EFCAB12: variants seen among roughly 807,000 people sequenced by gnomAD.
EFCAB12 encodes the protein EF-hand calcium-binding domain-containing protein 12.
Under a neutral mutation model 53.6 loss-of-function variants are expected in EFCAB12, and 43 were observed. The ratio of observed to expected loss-of-function variants is 0.80; its 90% CI spans 0.63 to 1.03. EFCAB12 has a LOEUF of 1.03. Ranked by LOEUF, EFCAB12 falls within the 50% of genes least tolerant of loss-of-function variation. The pLI is 0.00. For synonymous variants in EFCAB12, 269 were observed against 289.2 expected (o/e 0.93, Z 0.71); for missense variants, 646 against 730.6 (o/e 0.88, Z 1.34).
rs369188525 is a variant in EFCAB12, at chr3:129,401,632, G to A, written c.1680C>T (p.His560=). The stretch of plus-strand genomic sequence containing the variant: ...ACACCTTGGCGGCATCATAATGGGC[G>A]TGGGTCATGTAGTTCTTGTTCCTAA... ...WPLRNKNYMT[H]AHYDAAKVYY... Residue 560 remains histidine, a synonymous_variant, in exon 9 of 9, where the codon CAC becomes CAT. Transcript: ENST00000505956. The A allele has an allele frequency of 6.1e-4, 963 of 1,576,098 alleles. No homozygotes were observed. The highest frequency in any genetic ancestry group is 1.5e-3 in the African/African-American group (113 of 74,326).
intron 3 of EFCAB12, among the ~76,000 whole-genome samples, chr3:129,416,943 C>T (rs2072123091): frequency 6.6e-6 from 1 of 152,172 alleles, no homozygotes; most frequent in African/African-American, 2.4e-5. Context: ...CATGAGCCAG[C>T]ATGCTAGGGT....
intron 1 of EFCAB12, among the ~76,000 whole-genome samples, chr3:129,427,066 C>T (rs2072281989): frequency 6.6e-6 from 1 of 151,830 alleles, no homozygotes. Context: ...CCAGGATGGT[C>T]TTGATCTCCT....
In EFCAB12 at chr3:129,415,313, A is replaced by G. The variant is rs759460628; in HGVS notation, c.770T>C (p.Ile257Thr). ...LGKHNTITMD[I>T]LANTYKQWSM... is the part of the protein sequence containing the mutation. ...CCACTGCTTGTAGGTATTGGCCAGG[A>G]TATCCATGGTGATGGTGTTGTGCTT... Residue 257 changes from isoleucine (I) to threonine (T), a missense_variant, in exon 4 of 9, where the codon ATC becomes ACC. By Grantham distance (89) the Ile-to-Thr change is moderately conservative. Coordinates refer to ENST00000505956, the MANE Select transcript of EFCAB12 (RefSeq NM_207307.3). The G allele has an allele frequency of 1.9e-5, 30 of 1,613,378 alleles. 1 individual carries two copies. The South Asian group carries it at 3.3e-4, about 18-fold the overall frequency.
chr3:129,423,634 T>G (rs9872391), intron 1 of EFCAB12, among the ~76,000 whole-genome samples: 2 of 151,812 alleles, frequency 1.3e-5, no homozygotes, highest in Non-Finnish European at 2.9e-5. Flanking sequence ...CAAAAAAATT[T>G]AAAAAAATCA....
rs1004813143 is a variant in EFCAB12 at position 129,401,430 on chromosome 3, C to T, written c.*163G>A. 1.0e-6 allele frequency: 1 copy of T among 986,360 alleles called. No homozygotes were observed. Among genetic ancestry groups the T allele is most frequent in the Non-Finnish European group, 1.4e-6 (1 of 693,394 alleles). 61.1% of individuals were successfully genotyped at this position (986,360 alleles called of 1,614,324 possible). ...TTGGACACATCTACCCTCTGAGACA[C>T]TGGACACTTTGAGTCCAGAGGGAAC... On this transcript the variant is annotated 3_prime_UTR_variant, in exon 9 of 9. Transcript: ENST00000505956.
At chr3:129,408,899 G>C in intron 5 of EFCAB12, 41 bp from the exon 6 acceptor site, 1 of 1,543,294 alleles carries the variant, frequency 6.5e-7, no homozygotes, top group Non-Finnish European at 8.8e-7. Flanking sequence ...TCTCTCGCCT[G>C]TGTCCCTCCT....
At chr3:129,404,446 T>C in intron 6 of EFCAB12, 43 bp from the exon 7 acceptor site, 1 of 1,543,482 alleles carries the variant, frequency 6.5e-7, no homozygotes, top group Non-Finnish European at 8.7e-7. Flanking sequence ...CAACCCAGAC[T>C]GCCCATCCCT....
intron 2 of EFCAB12, 28 bp from the exon 3 acceptor site, chr3:129,418,476 G>A (rs761002726): frequency 7.0e-6 from 11 of 1,568,036 alleles, no homozygotes; most frequent in Non-Finnish European, 6.9e-6. Flanking sequence ...GTAGGGCAGA[G>A]GAGAGAGTTC....
intron 2 of EFCAB12, 111 bp from the exon 3 acceptor site, chr3:129,418,559 A>G: frequency 1.0e-6 from 1 of 993,272 alleles, no homozygotes; most frequent in Non-Finnish European, 1.4e-6. Context: ...TCTAAATAGC[A>G]GGATAGAGTA....
chr3:129,418,504 C>T (rs144408492), intron 2 of EFCAB12, 56 bp from the exon 3 acceptor site: 36,663 of 1,475,614 alleles, frequency 0.025, 664 homozygotes, highest in Middle Eastern at 0.071. Context: ...ACAGGCCAGG[C>T]GGATGCAGTC....
Position 129,421,394 on chromosome 3 carries a change from G to C in EFCAB12, c.459C>G (p.Ala153=), listed in dbSNP as rs2072184990. ...IHEEQSAQPN[A]SQATTRTTRK... is the part of the protein sequence containing the mutation. ...TGGTGGTCCTGGTAGTTGCCTGGGA[G>C]GCATTTGGCTGGGCACTCTGCTCCT... Residue 153 remains alanine, a synonymous_variant, in exon 2 of 9, where the codon GCC becomes GCG. Transcript: ENST00000505956. 5 of 1,608,814 alleles carry C rather than the reference G, an allele frequency of 3.1e-6. No homozygotes were observed. Among genetic ancestry groups the C allele is most frequent in the Non-Finnish European group, 4.3e-6 (5 of 1,175,714 alleles).
In EFCAB12 at chr3:129,411,413, A is replaced by T. The variant is rs373192422; in HGVS notation, c.839-59T>A. On this transcript the variant is annotated intron_variant, in intron 4 of 8. Coordinates refer to ENST00000505956, the MANE Select transcript of EFCAB12 (RefSeq NM_207307.3). ...GACTAAGAGGGTGCCCAGCCACGGA[A>T]CCTGCCAAGCAGTTATCCAGTGTCA... is the stretch of plus-strand genomic sequence containing the variant. 1.9e-5 allele frequency: 29 copies of T among 1,501,912 alleles called. 1 individual carries two copies. In the South Asian group the frequency reaches 3.4e-4, roughly 18 times the overall value. The allele number at this position is 1,501,912 out of a possible 1,614,324, so 93.0% of individuals were successfully genotyped here.
chr3:129,412,071 T>A (rs999910028), intron 4 of EFCAB12: 1 of 151,868 alleles, frequency 6.6e-6, no homozygotes, highest in Non-Finnish European at 1.5e-5. Flanking sequence ...ATTAGCCGGG[T>A]GCAGTGGTGT....
In EFCAB12 at chr3:129,404,396, C is replaced by T; in HGVS notation, c.1257G>A (p.Leu419=). Residue 419 remains leucine (L), a synonymous_variant, in exon 7 of 9, where the codon CTG becomes CTA. Transcript: ENST00000505956. ...GGAAAATGATCTTGTCTCCTGGGTA[C>T]AGCAAGGCTGTGGACAGCAAGAGAA... The part of the protein sequence containing the change: ...LTEDILMKAL[L]YPGDKIIFQM... 1 of 1,612,800 alleles carries T rather than the reference C, an allele frequency of 6.2e-7. No individual in the cohort carries two copies. The highest frequency in any genetic ancestry group is 8.5e-7 in the Non-Finnish European group (1 of 1,179,440).
intron 6 of EFCAB12, 61 bp downstream of exon 6, chr3:129,408,584 C>T: frequency 6.6e-7 from 1 of 1,523,096 alleles, no homozygotes; most frequent in South Asian, 1.2e-5. Flanking sequence ...GTGGCATCAC[C>T]CTCACCCCAG....
At chr3:129,424,611 A>G (rs1447300852) in intron 1 of EFCAB12, among the ~76,000 whole-genome samples, 8 of 152,258 alleles carry the variant, frequency 5.3e-5, no homozygotes, top group Admixed American at 5.2e-4. Flanking sequence ...AGTTCTTTAT[A>G]GCAATGCTAG....
At chr3:129,421,335 G>A (rs1343307195) in intron 2 of EFCAB12, 32 bp downstream of exon 2, 1 of 1,573,442 alleles carries the variant, frequency 6.4e-7, no homozygotes. Context: ...CTAAACCCTT[G>A]GTGTCTTCAT....
intron 1 of EFCAB12, among the ~76,000 whole-genome samples, chr3:129,424,764 C>A (rs2072251493): frequency 6.6e-6 from 1 of 152,194 alleles, no homozygotes; most frequent in Non-Finnish European, 1.5e-5. Context: ...TATTGAGAAT[C>A]CCCCAGGGCT....
rs761090459 is a variant in EFCAB12, at chr3:129,408,898, T to TGTGTCCCTCCTCCTGGCC, written c.1036-58_1036-41dup. The TGTGTCCCTCCTCCTGGCC allele has an allele frequency of 3.9e-6, 6 of 1,543,814 alleles. No individual in the cohort carries two copies. The South Asian group carries it at 7.2e-5, about 18-fold the overall frequency. ...GAAAGGGGCTCGCCCTTCTCTCGCC[T>TGTGTCCCTCCTCCTGGCC]GTGTCCCTCCTCCTGGCCAGAAGAA... On this transcript the variant is annotated intron_variant, in intron 5 of 8. Transcript: ENST00000505956.
Sources: allele counts gnomAD v4.1 joint callset (sites outside exome capture counted in the v4.1 genomes callset), GRCh38; gene constraint gnomAD v4.1.1; transcripts MANE v1.5; gene names NCBI Gene and HGNC (gene_info 2026-07-23, HGNC 2026-07-21).